The following BARHL2 variants were observed in gnomAD, a reference collection of about 807,000 sequenced individuals.
BARHL2 encodes BarH like homeobox 2, also known as barH-like 2 homeobox protein.
In BARHL2, 10 loss-of-function variants were observed where a neutral mutation model predicts 27.1. That is an observed-to-expected ratio of 0.37 (90% CI 0.23 to 0.63). BARHL2 has a LOEUF of 0.63. BARHL2 is among the 20% of genes least tolerant of loss of function. BARHL2 has a pLI of 0.65. For missense variants in BARHL2, 483 were observed against 533.5 expected (o/e 0.91, Z 0.93); for synonymous variants, 248 against 224.7 (o/e 1.10, Z -0.93).
In BARHL2 at chr1:90,716,890, C is replaced by T. The variant is rs1335014864; in HGVS notation, c.306G>A (p.Thr102=). 17 of 1,591,516 alleles carry T rather than the reference C, an allele frequency of 1.1e-5. No individual in the cohort carries two copies. The highest frequency in any genetic ancestry group is 1.5e-5 in the Non-Finnish European group (17 of 1,170,352). ...QQPPPPAAAP[T]QSLQPLPQQQ... ...GTTGGGGCAAAGGCTGCAAACTTTG[C>T]GTCGGGGCCGCGGCCGGCGGCGGCG... Residue 102 remains threonine (T), a synonymous_variant, in exon 1 of 3, where the codon ACG becomes ACA. Coordinates refer to ENST00000370445, the MANE Select transcript of BARHL2 (RefSeq NM_020063.2).
rs1431050078 is a variant in BARHL2 at position 90,716,773 on chromosome 1, A to C, written c.423T>G (p.Ser141=). The change falls in exon 1 of 3, where the codon TCT becomes TCG. Residue 141 remains serine, a synonymous_variant. Transcript: ENST00000370445. ...AASAPRTSTS[S]FLIKDILGDS... Reference sequence around the variant, plus strand: ...CGCCCAAGATGTCCTTAATTAAAAAAGAAGACGTGGAAGTCCTGGGGGCCG... The same window carrying C: ...CGCCCAAGATGTCCTTAATTAAAAACGAAGACGTGGAAGTCCTGGGGGCCG... 1 of 1,563,586 alleles carries C rather than the reference A, an allele frequency of 6.4e-7. No individual in the cohort carries two copies. Among genetic ancestry groups the C allele is most frequent in the African/African-American group, 1.4e-5 (1 of 73,664 alleles).
Position 90,716,695 on chromosome 1 carries a change from G to A in BARHL2, c.501C>T (p.Pro167=), listed in dbSNP as rs754494423. The part of the protein sequence containing the change: ...CAPYSTSVSS[P]HHTPKQESNA... ...TGCTCTCCTGCTTCGGGGTGTGGTG[G>A]GGAGAGGATACGCTGGTGCTGTAGG... Residue 167 remains proline, a synonymous_variant, in exon 1 of 3, where the codon CCC becomes CCT. Coordinates refer to ENST00000370445, the MANE Select transcript of BARHL2 (RefSeq NM_020063.2). 3.7e-6 allele frequency: 6 copies of A among 1,612,346 alleles called. No individual in the cohort carries two copies. The highest frequency in any genetic ancestry group is 1.7e-5 in the Admixed American group (1 of 59,768).
At chr1:90,714,069 G>A (rs139321380) in intron 2 of BARHL2, among the ~76,000 whole-genome samples, 1,526 of 152,298 alleles carry the variant, frequency 0.01, 61 homozygotes, top group Admixed American at 0.081. Context: ...GGACATTTAC[G>A]CCGAGGCTGG....
At chr1:90,713,366 C>G (rs1658076602) in intron 2 of BARHL2, among the ~76,000 whole-genome samples, 1 of 152,176 alleles carries the variant, frequency 6.6e-6, no homozygotes, top group African/African-American at 2.4e-5. Context: ...CTGTGATCAG[C>G]TTTTCTCAGT....
In BARHL2 at chr1:90,712,483, C is replaced by T. The variant is rs763573000; in HGVS notation, c.993G>A (p.Ala331=). The part of the protein sequence containing the change: ...LLGSMDSTTA[A]AAAAAMYSSM... ...TGCTGTACATGGCAGCGGCAGCCGC[C>T]GCCGCCGTAGTGCTGTCCATGCTGC... Residue 331 remains alanine (A), a synonymous_variant, in exon 3 of 3, where the codon GCG becomes GCA. Coordinates refer to ENST00000370445, the MANE Select transcript of BARHL2 (RefSeq NM_020063.2). The T allele has an allele frequency of 8.7e-6, 14 of 1,612,404 alleles. No individual in the cohort carries two copies. Among genetic ancestry groups the T allele is most frequent in the Middle Eastern group, 3.3e-4 (2 of 6,050 alleles).
Position 90,717,115 on chromosome 1 carries a change from C to A in BARHL2, c.81G>T (p.Met27Ile). 6.2e-7 allele frequency: 1 copy of A among 1,613,936 alleles called. No homozygotes were observed. The highest frequency in any genetic ancestry group is 8.5e-7 in the Non-Finnish European group (1 of 1,179,978). The stretch of plus-strand genomic sequence containing the variant: ...CGAGCGGGCGGAAATCTCCATTCAT[C>A]ATGCCTGGGCTGCCTGAACTGGCAC... ...LSSASSGSPGMMNGDFRPLGE... is the reference protein window; with the variant it reads ...LSSASSGSPGIMNGDFRPLGE... The change falls in exon 1 of 3, where the codon ATG becomes ATT. Residue 27 changes from methionine to isoleucine, a missense_variant. By Grantham distance (10) the Met-to-Ile change is conservative (BLOSUM62 1). Transcript: ENST00000370445.
At position 90,716,839 on chromosome 1, in the gene BARHL2, C is replaced by T. The variant is rs534277570; in HGVS notation, c.357G>A (p.Gln119=). 1.3e-4 allele frequency: 206 copies of T among 1,555,588 alleles called. 1 individual carries two copies. In the East Asian group the frequency reaches 4.9e-3, roughly 37 times the overall value. ...GCTGCTGGGGGGGCGGCGGCGGCGG[C>T]TGCTGTGGCGGCAGCGGCTGCTGCT... ...PQQQQPLPPQ[Q]PPPPPPQQLG... The change falls in exon 1 of 3, where the codon CAG becomes CAA. Residue 119 remains glutamine, a synonymous_variant. Coordinates refer to ENST00000370445, the MANE Select transcript of BARHL2 (RefSeq NM_020063.2).
In BARHL2 at chr1:90,716,852, A is replaced by G. The variant is rs1452727624; in HGVS notation, c.344T>C (p.Leu115Pro). ...LQPLPQQQQPLPPQQPPPPPP... is the reference protein window; with the variant it reads ...LQPLPQQQQPPPPQQPPPPPP... ...CGGCGGCGGCGGCTGCTGTGGCGGCAGCGGCTGCTGCTGTTGGGGCAAAGG... is the reference window on the plus strand; with the variant it reads ...CGGCGGCGGCGGCTGCTGTGGCGGCGGCGGCTGCTGCTGTTGGGGCAAAGG... Residue 115 changes from leucine to proline, a missense_variant, in exon 1 of 3, where the codon CTG (leucine) becomes CCG (proline). Leu to Pro is a moderately conservative substitution (Grantham distance 98). Transcript: ENST00000370445. 21 of 1,554,240 alleles carry G rather than the reference A, an allele frequency of 1.4e-5. No individual in the cohort carries two copies. The highest frequency in any genetic ancestry group is 9.8e-5 in the Admixed American group (5 of 51,136).
chr1:90,713,019 C>T (rs1361974601), intron 2 of BARHL2, among the ~76,000 whole-genome samples: 1 of 152,130 alleles, frequency 6.6e-6, no homozygotes, highest in Non-Finnish European at 1.5e-5. Flanking sequence ...TCCACATCTC[C>T]CAACTCCCAA....
At chr1:90,712,799 C>T (rs896254667) in intron 2 of BARHL2, among the ~76,000 whole-genome samples, 175 bp from the exon 3 acceptor site, 11 of 152,136 alleles carry the variant, frequency 7.2e-5, no homozygotes, top group African/African-American at 2.7e-4. Flanking sequence ...CAGCCTTGCT[C>T]CCAGAAAGAC....
chr1:90,713,408 G>A (rs1658077410), intron 2 of BARHL2, among the ~76,000 whole-genome samples: 1 of 152,186 alleles, frequency 6.6e-6, no homozygotes, highest in Non-Finnish European at 1.5e-5. Flanking sequence ...ACCCTGCTAG[G>A]AAGAAGAGAG....
chr1:90,716,449 G>T, intron 1 of BARHL2, 122 bp downstream of exon 1: 1 of 1,046,712 alleles, frequency 9.6e-7, no homozygotes, highest in Non-Finnish European at 1.5e-6. Flanking sequence ...TTTGACCGTC[G>T]CCCAGTCGCC....
chr1:90,717,296 C>T lies in BARHL2; in HGVS notation c.-101G>A. 3.3e-6 allele frequency: 5 copies of T among 1,494,852 alleles called. No homozygotes were observed. Among genetic ancestry groups the T allele is most frequent in the Non-Finnish European group, 3.5e-6 (4 of 1,136,696 alleles). 92.6% of individuals were successfully genotyped at this position (1,494,852 alleles called of 1,614,324 possible). A position where few individuals can be genotyped will look rare whatever the true frequency, so the allele number is the denominator to read the frequency against. On this transcript the variant is annotated 5_prime_UTR_variant, in exon 1 of 3. Transcript: ENST00000370445. The stretch of plus-strand genomic sequence containing the variant: ...CAAAATAAACACCAAACAATGTTGC[C>T]GCCGCTTAAAAAAAAAAAAGTGGGG...
Position 90,714,602 on chromosome 1 carries a change from C to T in BARHL2, c.780G>A (p.Gln260=). The T allele has an allele frequency of 6.2e-7, 1 of 1,614,248 alleles. No individual in the cohort carries two copies. The highest frequency in any genetic ancestry group is 8.5e-7 in the Non-Finnish European group (1 of 1,180,046). The change falls in exon 2 of 3, where the codon CAG becomes CAA. Residue 260 remains glutamine, a synonymous_variant. Transcript: ENST00000370445. ...SFERQKYLSV[Q]DRMDLAAALN... is the part of the protein sequence containing the mutation. Reference sequence around the variant, plus strand: ...GCGCTGCAGCCAGGTCCATGCGATCCTGCACGCTCAGGTACTTCTGCCGCT... The same window carrying T: ...GCGCTGCAGCCAGGTCCATGCGATCTTGCACGCTCAGGTACTTCTGCCGCT...
rs1431632814 is a variant in BARHL2, at chr1:90,711,714, ATCAC to A, written c.*594_*597del. The A allele has an allele frequency of 6.6e-6, 1 of 152,168 alleles. No individual in the cohort carries two copies. The highest frequency in any genetic ancestry group is 1.5e-5 in the Non-Finnish European group (1 of 68,026). 9.4% of individuals were successfully genotyped at this position (152,168 alleles called of 1,614,324 possible). A position where few individuals can be genotyped will look rare whatever the true frequency, so the allele number is the denominator to read the frequency against. On this transcript the variant is annotated 3_prime_UTR_variant, in exon 3 of 3. Coordinates refer to ENST00000370445, the MANE Select transcript of BARHL2 (RefSeq NM_020063.2). ...ATATAATAAATATGATATATCACTT[ATCAC>A]TCAGTCTTTCAAATGTACATTTTTT...
At position 90,717,142 on chromosome 1, in the gene BARHL2, G is replaced by T; in HGVS notation, c.54C>A (p.Ser18=). ...GSSFGIDTIL[S]SASSGSPGMM... The stretch of plus-strand genomic sequence containing the variant: ...TGCCTGGGCTGCCTGAACTGGCACT[G>T]GACAAAATCGTGTCTATTCCAAAAC... Residue 18 remains serine, a synonymous_variant, in exon 1 of 3, where the codon TCC becomes TCA. Transcript: ENST00000370445. 4 of 1,613,746 alleles carry T rather than the reference G, an allele frequency of 2.5e-6. No individual in the cohort carries two copies. The highest frequency in any genetic ancestry group is 3.4e-6 in the Non-Finnish European group (4 of 1,179,932).
chr1:90,716,532 C>A (rs1284317463), intron 1 of BARHL2, 39 bp downstream of exon 1: 1 of 1,601,754 alleles, frequency 6.2e-7, no homozygotes, highest in South Asian at 1.1e-5. Context: ...ACCAGGAGGA[C>A]AAGCTAGACG....
At position 90,716,720 on chromosome 1, in the gene BARHL2, G is replaced by A. The variant is rs1437798106; in HGVS notation, c.476C>T (p.Pro159Leu). ...GGGAGAGGATACGCTGGTGCTGTAG[G>A]GTGCACATGCCGCCAGAGGTTTGCT... ...GDSKPLAACA[P>L]YSTSVSSPHH... is the part of the protein sequence containing the mutation. Residue 159 changes from proline (P) to leucine (L), a missense_variant, in exon 1 of 3, where the codon CCC becomes CTC. Physicochemically the swap from Pro to Leu is moderately conservative, Grantham distance 98. Transcript: ENST00000370445. 2 of 1,608,406 alleles carry A rather than the reference G, an allele frequency of 1.2e-6. No individual in the cohort carries two copies. Among genetic ancestry groups the A allele is most frequent in the Non-Finnish European group, 1.7e-6 (2 of 1,177,294 alleles).
In BARHL2 at chr1:90,713,390, C is replaced by G. The variant is rs565805366; in HGVS notation, c.852-766G>C. The stretch of plus-strand genomic sequence containing the variant: ...GCTTTTCTCAGTCTCCTCCCTCCCC[C>G]GCTGCACACCCTGCTAGGAAGAAGA... On this transcript the variant is annotated intron_variant, in intron 2 of 2. Transcript: ENST00000370445. Among the ~76,000 whole-genome samples the G allele has an allele frequency of 4.6e-5, 7 of 152,194 alleles. 1 individual carries two copies. Among genetic ancestry groups the G allele is most frequent in the African/African-American group, 1.4e-4 (6 of 41,436 alleles).
Sources: allele counts gnomAD v4.1 joint callset (sites outside exome capture counted in the v4.1 genomes callset), GRCh38; gene constraint gnomAD v4.1.1; transcripts MANE v1.5; gene names NCBI Gene and HGNC (gene_info 2026-07-23, HGNC 2026-07-21).